The following ST6GALNAC3 variants were observed in gnomAD, a reference collection of about 807,000 sequenced individuals.
ST6GALNAC3 encodes the protein alpha-N-acetylgalactosaminide alpha-2,6-sialyltransferase 3.
ST6GALNAC3 carries 25 observed loss-of-function variants against 32.7 expected under a neutral mutation model. The observed-to-expected ratio is 0.76, with a 90% CI of 0.56 to 1.07. The LOEUF is 1.07. Ranked by LOEUF, ST6GALNAC3 falls within the 50% of genes least tolerant of loss-of-function variation. The probability of loss-of-function intolerance (pLI) is 0.00; values close to 1 mark genes in which losing one functional copy is unlikely to be tolerated. For synonymous variants in ST6GALNAC3, 129 were observed against 133.1 expected (o/e 0.97, Z 0.21); for missense variants, 355 against 382.4 (o/e 0.93, Z 0.60).
At chr1:76,589,614 A>G (rs189805064) in intron 3 of ST6GALNAC3, among the ~76,000 whole-genome samples, 12 of 152,094 alleles carry the variant, frequency 7.9e-5, no homozygotes, top group Admixed American at 7.2e-4. Context: ...ATATGATGCA[A>G]CATGTCAGGT....
intron 2 of ST6GALNAC3, among the ~76,000 whole-genome samples, chr1:76,407,679 A>T (rs998707939): frequency 1.3e-5 from 2 of 151,924 alleles, no homozygotes; most frequent in African/African-American, 2.4e-5. Flanking sequence ...GTTTGTTTTT[A>T]ATGAAAAAAA....
chr1:76,396,338 G>A (rs531979096), intron 2 of ST6GALNAC3, among the ~76,000 whole-genome samples: 9 of 152,234 alleles, frequency 5.9e-5, no homozygotes, highest in South Asian at 4.1e-4. Flanking sequence ...GGTGGCATGC[G>A]CCTGTAGTCC....
chr1:76,469,900 T>A (rs963327171), intron 3 of ST6GALNAC3, among the ~76,000 whole-genome samples: 2 of 152,134 alleles, frequency 1.3e-5, no homozygotes, highest in African/African-American at 4.8e-5. Context: ...GCCCAGGGGT[T>A]ACAAGGATCA....
intron 3 of ST6GALNAC3, among the ~76,000 whole-genome samples, chr1:76,525,025 A>G (rs997332086): frequency 1.3e-5 from 2 of 152,136 alleles, no homozygotes; most frequent in East Asian, 1.9e-4. Context: ...GTAAGATTAT[A>G]TTTCCATTTC....
chr1:76,419,804 C>G (rs1271323722), intron 3 of ST6GALNAC3, among the ~76,000 whole-genome samples: 3 of 152,088 alleles, frequency 2.0e-5, no homozygotes, highest in Non-Finnish European at 2.9e-5. Context: ...TATAAGAGCT[C>G]TACAGATGTT....
intron 2 of ST6GALNAC3, among the ~76,000 whole-genome samples, chr1:76,333,309 G>T (rs1048456297): frequency 7.9e-5 from 12 of 152,120 alleles, no homozygotes; most frequent in African/African-American, 2.9e-4. Flanking sequence ...TTTAAGCTCA[G>T]TATAAGTAAT....
chr1:76,419,655 A>C (rs556955820), intron 3 of ST6GALNAC3, among the ~76,000 whole-genome samples: 25 of 151,928 alleles, frequency 1.6e-4, no homozygotes, highest in African/African-American at 6.0e-4. Context: ...TTTTTTCTCT[A>C]TTCTTGGATG....
chr1:76,514,631 C>A (rs930676616), intron 3 of ST6GALNAC3, among the ~76,000 whole-genome samples: 1 of 152,158 alleles, frequency 6.6e-6, no homozygotes, highest in Non-Finnish European at 1.5e-5. Context: ...CACACATATG[C>A]TCTTCCTTTG....
intron 1 of ST6GALNAC3, among the ~76,000 whole-genome samples, chr1:76,155,841 G>A (rs778456856): frequency 3.9e-5 from 6 of 152,080 alleles, no homozygotes; most frequent in Non-Finnish European, 5.9e-5. Flanking sequence ...TAACACATTT[G>A]TTACAATTAG....
intron 2 of ST6GALNAC3, among the ~76,000 whole-genome samples, chr1:76,323,354 G>A (rs1647006096): frequency 6.6e-6 from 1 of 152,146 alleles, no homozygotes; most frequent in Non-Finnish European, 1.5e-5. Context: ...TATTTTATGT[G>A]CCATTTTCTT....
intron 1 of ST6GALNAC3, among the ~76,000 whole-genome samples, chr1:76,211,657 C>G (rs910835478): frequency 1.3e-5 from 2 of 152,010 alleles, no homozygotes; most frequent in African/African-American, 4.8e-5. Context: ...AAGCTGGAAA[C>G]CATCATCCTC....
rs1571310628 is a variant in ST6GALNAC3 at position 76,462,525 on chromosome 1, C to A, written c.623+50108C>A. ...AATTAATTTTGAGGGTGGCAGCCAGCATTTTTTTTTTAAATGAAGAGACTA... is the reference window on the plus strand; with the variant it reads ...AATTAATTTTGAGGGTGGCAGCCAGAATTTTTTTTTTAAATGAAGAGACTA... On this transcript the variant is annotated intron_variant, in intron 3 of 4. Transcript: ENST00000328299. Among the ~76,000 whole-genome samples, 4 of 125,232 alleles carry A rather than the reference C, an allele frequency of 3.2e-5. No individual in the cohort carries two copies. In the Middle Eastern group the frequency reaches 0.016, roughly 509 times the overall value. The allele number at this position is 125,232 out of a possible 152,430, so 82.2% of individuals were successfully genotyped here. A position where few individuals can be genotyped will look rare whatever the true frequency, so the allele number is the denominator to read the frequency against.
chr1:76,136,024 C>A (rs75688759), intron 1 of ST6GALNAC3, among the ~76,000 whole-genome samples: 8 of 152,178 alleles, frequency 5.3e-5, no homozygotes, highest in Non-Finnish European at 1.0e-4. Flanking sequence ...GGTGCTTGCT[C>A]ATGTGCAGTC....
At chr1:76,411,858 G>T in intron 2 of ST6GALNAC3, 150 bp from the exon 3 acceptor site, 2 of 725,252 alleles carry the variant, frequency 2.8e-6, no homozygotes, top group Admixed American at 3.4e-5. Flanking sequence ...ATAATCTGTG[G>T]CAGCGACTGT....
intron 1 of ST6GALNAC3, among the ~76,000 whole-genome samples, chr1:76,156,225 A>T (rs980977973): frequency 2.0e-5 from 3 of 152,204 alleles, no homozygotes; most frequent in African/African-American, 7.2e-5. Context: ...AACGTTGTAG[A>T]TGTTGAACGT....
chr1:76,494,425 A>T (rs989465304), intron 3 of ST6GALNAC3, among the ~76,000 whole-genome samples: 2 of 89,394 alleles, frequency 2.2e-5, no homozygotes, highest in Non-Finnish European at 4.2e-5. Context: ...GGATGTGTGC[A>T]TGTGTATATA....
At chr1:76,373,685 T>A (rs1017023396) in intron 2 of ST6GALNAC3, among the ~76,000 whole-genome samples, 1 of 152,196 alleles carries the variant, frequency 6.6e-6, no homozygotes, top group African/African-American at 2.4e-5. Flanking sequence ...ATAAATTTGG[T>A]TCAGGTACAT....
chr1:76,590,789 G>C (rs1422031337), intron 3 of ST6GALNAC3, among the ~76,000 whole-genome samples: 1 of 152,092 alleles, frequency 6.6e-6, no homozygotes, highest in Non-Finnish European at 1.5e-5. Flanking sequence ...GTGGGATCTT[G>C]GGCAAGTTAC....
intron 3 of ST6GALNAC3, among the ~76,000 whole-genome samples, chr1:76,614,576 G>A (rs1422251090): frequency 2.0e-5 from 3 of 151,838 alleles, no homozygotes; most frequent in African/African-American, 7.3e-5. Context: ...AAAATTAGCC[G>A]GGCGTGGTGG....
Sources: gnomAD v4.1 joint callset for allele counts (sites outside exome capture counted in the v4.1 genomes callset) on GRCh38, gnomAD v4.1.1 for gene constraint, MANE v1.5 for transcripts, NCBI Gene and HGNC (gene_info 2026-07-23, HGNC 2026-07-21) for gene names.